ARHGEF2: variants seen among roughly 807,000 people sequenced by gnomAD.
ARHGEF2 encodes Rho/Rac guanine nucleotide exchange factor 2.
A neutral mutation model predicts 121.0 loss-of-function variants in ARHGEF2; 22 were observed. That is an observed-to-expected ratio of 0.18 (90% CI 0.13 to 0.26). The LOEUF (loss-of-function observed/expected upper bound fraction) is 0.26. ARHGEF2 is among the 10% of genes least tolerant of loss of function. The probability of loss-of-function intolerance (pLI) is 1.00; values close to 1 mark genes in which losing one functional copy is unlikely to be tolerated. For missense variants in ARHGEF2, 907 were observed against 1,336.0 expected, an observed-to-expected ratio of 0.68 and a Z score of 5.01; for synonymous variants, 487 against 530.0, an observed-to-expected ratio of 0.92 and a Z score of 1.11.
Position 155,962,400 on chromosome 1 carries a change from A to G in ARHGEF2, c.1102-178T>C. On this transcript the variant is annotated intron_variant, in intron 9 of 21. Coordinates refer to ENST00000361247, the MANE Select transcript of ARHGEF2 (RefSeq NM_001162383.2). This position sits in a 1 kb window ranked among gnomAD's most constrained non-coding sequence, Gnocchi z 5.8. Reference sequence around the variant, plus strand: ...TTGTGAGGACCAACTGAAGGAGCAAAAAGTACTTGGGAAACTACCACAACG... The same window carrying G: ...TTGTGAGGACCAACTGAAGGAGCAAGAAGTACTTGGGAAACTACCACAACG... 1.9e-6 allele frequency: 2 copies of G among 1,047,106 alleles called. No individual in the cohort carries two copies. The highest frequency in any genetic ancestry group is 2.8e-6 in the Non-Finnish European group (2 of 720,428). The allele number at this position is 1,047,106 out of a possible 1,614,324, so 64.9% of individuals were successfully genotyped here. A position where few individuals can be genotyped will look rare whatever the true frequency, so the allele number is the denominator to read the frequency against.
intron 7 of ARHGEF2, among the ~76,000 whole-genome samples, chr1:155,964,011 T>C (rs1479958243): frequency 6.7e-6 from 1 of 150,090 alleles, no homozygotes; most frequent in Non-Finnish European, 1.5e-5. Flanking sequence ...CGGGTGTAGT[T>C]GTAGGCGCCT....
intron 1 of ARHGEF2, among the ~76,000 whole-genome samples, chr1:155,971,378 G>C (rs1422468157): frequency 6.6e-6 from 1 of 151,788 alleles, no homozygotes. Context: ...AGGAGTTCGA[G>C]ACCAGCCTGA....
chr1:155,952,066 A>G, intron 16 of ARHGEF2, 50 bp downstream of exon 16: 1 of 1,613,908 alleles, frequency 6.2e-7, no homozygotes, highest in Non-Finnish European at 8.5e-7. Context: ...CCACTCTACT[A>G]ACTTTGGCCC....
upstream of ARHGEF2, chr1:155,979,195 AC>A (rs1308748261): frequency 1.4e-5 from 14 of 984,918 alleles, no homozygotes; most frequent in Non-Finnish European, 1.7e-5. Flanking sequence ...GGCCTTCCTG[AC>A]CCCACTCTGC....
rs745831129 is a variant in ARHGEF2, at chr1:155,951,297, G to C, written c.2260-25C>G. The C allele has an allele frequency of 3.8e-6, 6 of 1,582,956 alleles. No individual in the cohort carries two copies. The highest frequency in any genetic ancestry group is 1.7e-5 in the Admixed American group (1 of 57,144). On this transcript the variant is annotated intron_variant, in intron 19 of 21. Coordinates refer to ENST00000361247, the MANE Select transcript of ARHGEF2 (RefSeq NM_001162383.2). This position sits in a 1 kb window ranked among gnomAD's most constrained non-coding sequence, Gnocchi z 5.1. ...CCTGGGAGTAGAATGCAGGCAGAAG[G>C]GTTTATCAGAACCCCTGTGCTCTTC...
intron 21 of ARHGEF2, among the ~76,000 whole-genome samples, chr1:155,949,334 C>T (rs1346588875): frequency 6.6e-6 from 1 of 152,054 alleles, no homozygotes; most frequent in Non-Finnish European, 1.5e-5. Flanking sequence ...GTAATCCCAG[C>T]ACTTTGGGAG....
At chr1:155,960,339 C>T (rs2102654675) in intron 11 of ARHGEF2, among the ~76,000 whole-genome samples, 1 of 152,080 alleles carries the variant, frequency 6.6e-6, no homozygotes, top group Non-Finnish European at 1.5e-5. Flanking sequence ...TGTGGTGGTG[C>T]AGGTCTGTAG....
chr1:155,956,728 C>A (rs745773430), intron 13 of ARHGEF2, among the ~76,000 whole-genome samples: 1 of 150,858 alleles, frequency 6.6e-6, no homozygotes. Context: ...GAGGCTGAGG[C>A]GGGTCGATTA....
At chr1:155,954,273 A>G (rs1255554428) in intron 14 of ARHGEF2, among the ~76,000 whole-genome samples, 1 of 144,210 alleles carries the variant, frequency 6.9e-6, no homozygotes, top group Non-Finnish European at 1.5e-5. Flanking sequence ...GCATCCAGCC[A>G]ATCTACTTCT....
intron 13 of ARHGEF2, among the ~76,000 whole-genome samples, chr1:155,955,570 G>A (rs1171058740): frequency 2.6e-5 from 4 of 152,152 alleles, no homozygotes; most frequent in Non-Finnish European, 5.9e-5. Flanking sequence ...TGTTTACCAG[G>A]TGGTAACCTC....
Position 155,965,831 on chromosome 1 carries a change from T to C in ARHGEF2, c.341-71A>G. ...TTCCCAGGATTGAGGCCTCCTAGGC[T>C]CCTCAATGAGGAATGAGGCATCCTC... On this transcript the variant is annotated intron_variant, in intron 4 of 21. Coordinates refer to ENST00000361247, the MANE Select transcript of ARHGEF2 (RefSeq NM_001162383.2). This position sits in a 1 kb window ranked among gnomAD's most constrained non-coding sequence, Gnocchi z 6.0. The C allele has an allele frequency of 6.7e-7, 1 of 1,503,268 alleles. No homozygotes were observed. Among genetic ancestry groups the C allele is most frequent in the Non-Finnish European group, 8.8e-7 (1 of 1,135,130 alleles). 93.1% of individuals were successfully genotyped at this position (1,503,268 alleles called of 1,614,324 possible).
intron 2 of ARHGEF2, among the ~76,000 whole-genome samples, chr1:155,967,379 G>A (rs942264347): frequency 1.3e-5 from 2 of 152,146 alleles, no homozygotes; most frequent in African/African-American, 4.8e-5. Context: ...GTAGAGGGAG[G>A]TTCAGTTATC....
chr1:155,958,378 A>G lies in ARHGEF2; in HGVS notation c.1487T>C (p.Met496Thr), dbSNP rs1316965202. Residue 496 changes from methionine (M) to threonine (T), a missense_variant, in exon 12 of 22, where the codon ATG becomes ACG. Met to Thr is a moderately conservative substitution (Grantham distance 81). Transcript: ENST00000361247. ...CTGGAGAAACACCAGTACATCTGTC[A>G]TCAGCAGCACTAGCACATCTGGAAG... ...GRFKDVLVLL[M>T]TDVLVFLQEK... is the part of the protein sequence containing the mutation. The G allele has an allele frequency of 1.9e-6, 3 of 1,613,802 alleles. No individual in the cohort carries two copies. The highest frequency in any genetic ancestry group is 1.3e-5 in the African/African-American group (1 of 74,904).
intron 13 of ARHGEF2, among the ~76,000 whole-genome samples, chr1:155,955,912 C>T (rs112340849): frequency 4.6e-5 from 7 of 152,026 alleles, no homozygotes; most frequent in South Asian, 2.1e-4. Flanking sequence ...GACAGGGTTT[C>T]GCCATGTTGG....
At position 155,963,012 on chromosome 1, in the gene ARHGEF2, T is replaced by A; in HGVS notation, c.896A>T (p.Glu299Val). The A allele has an allele frequency of 6.2e-7, 1 of 1,614,092 alleles. No individual in the cohort carries two copies. Among genetic ancestry groups the A allele is most frequent in the Non-Finnish European group, 8.5e-7 (1 of 1,180,028 alleles). ...IHTRFLSQLL[E>V]RRRQALCPGS... ...AGGGCACAGGGCCTGGCGTCGGCGT[T>A]CTAATAGCTGGCTGAGGAAGCGTGT... is the stretch of plus-strand genomic sequence containing the variant. Residue 299 changes from glutamate (E) to valine (V), a missense_variant, in exon 8 of 22, where the codon GAA (glutamate) becomes GTA (valine). Around this residue, in one of 2 missense-constraint regions of ARHGEF2, gnomAD observed 475 missense variants for 776.5 expected, o/e 0.61. Transcript: ENST00000361247.
rs767530504 is a variant in ARHGEF2 at position 155,952,833 on chromosome 1, A to C, written c.1784-5T>G. The C allele has an allele frequency of 2.5e-6, 4 of 1,614,114 alleles. No homozygotes were observed. Among genetic ancestry groups the C allele is most frequent in the Admixed American group, 1.7e-5 (1 of 60,006 alleles). ...GGTCCTTCTGCTGCAACTCCACTGC[A>C]GATAAGGAACAAGTGAGGACATGAG... is the stretch of plus-strand genomic sequence containing the variant. On this transcript the variant is annotated splice_region_variant and splice_polypyrimidine_tract_variant and intron_variant, in intron 14 of 21. Transcript: ENST00000361247.
chr1:155,964,216 A>ATATT (rs1340949573), intron 7 of ARHGEF2, among the ~76,000 whole-genome samples: 1 of 119,200 alleles, frequency 8.4e-6, no homozygotes, highest in African/African-American at 3.3e-5. Context: ...ATATATATAT[A>ATATT]TTTTTTTTTT....
Position 155,962,237 on chromosome 1 carries a change from G to GCAGGGCT in ARHGEF2, c.1102-22_1102-16dup. 10 of 1,611,798 alleles carry GCAGGGCT rather than the reference G, an allele frequency of 6.2e-6. No homozygotes were observed. The highest frequency in any genetic ancestry group is 7.6e-6 in the Non-Finnish European group (9 of 1,178,380). On this transcript the variant is annotated splice_polypyrimidine_tract_variant and intron_variant, in intron 9 of 21. Coordinates refer to ENST00000361247, the MANE Select transcript of ARHGEF2 (RefSeq NM_001162383.2). This position sits in a 1 kb window ranked among gnomAD's most constrained non-coding sequence, Gnocchi z 5.8. The stretch of plus-strand genomic sequence containing the variant: ...CGGGTCACTTTCTACAAGGGAGGAG[G>GCAGGGCT]CAGGGCTCAGGGCCAGAGGGGAGGG...
chr1:155,978,317 G>C lies in ARHGEF2; in HGVS notation c.63+48C>G. The C allele has an allele frequency of 1.4e-6, 2 of 1,439,028 alleles. No individual in the cohort carries two copies. The highest frequency in any genetic ancestry group is 1.3e-5 in the South Asian group (1 of 75,150). 89.1% of individuals were successfully genotyped at this position (1,439,028 alleles called of 1,614,324 possible). A position where few individuals can be genotyped will look rare whatever the true frequency, so the allele number is the denominator to read the frequency against. On this transcript the variant is annotated intron_variant, in intron 1 of 21. Transcript: ENST00000361247. This position sits in a 1 kb window ranked among gnomAD's most constrained non-coding sequence, Gnocchi z 4.1. Reference sequence around the variant, plus strand: ...GATGCACCGCGGGTGCCGGGGTTCGGGGAGCACCCGAGGACCGCGGCGAAA... The same window carrying C: ...GATGCACCGCGGGTGCCGGGGTTCGCGGAGCACCCGAGGACCGCGGCGAAA...
Sources: allele counts gnomAD v4.1 joint callset (sites outside exome capture counted in the v4.1 genomes callset), GRCh38; gene constraint gnomAD v4.1.1; regional missense constraint gnomAD v4.1.1; non-coding constraint Gnocchi (gnomAD v3.1); transcripts MANE v1.5; gene names NCBI Gene and HGNC (gene_info 2026-07-23, HGNC 2026-07-21).